Variants in FILIP1L observed in about 807,000 individuals in gnomAD.
FILIP1L encodes the protein filamin A interacting protein 1 like.
In FILIP1L, 55 loss-of-function variants were observed where a neutral mutation model predicts 96.6. That is an observed-to-expected ratio of 0.57 (90% CI 0.46 to 0.71). The LOEUF is 0.71. Among genes scored for constraint, FILIP1L ranks in the 30% least tolerant of loss-of-function variants. The probability of loss-of-function intolerance (pLI) is 0.00; values close to 1 mark genes in which losing one functional copy is unlikely to be tolerated. For missense variants in FILIP1L, 1,304 were observed against 1,321.2 expected (o/e 0.99, Z 0.20); for synonymous variants, 467 against 473.9 (o/e 0.99, Z 0.19).
intron 1 of FILIP1L, among the ~76,000 whole-genome samples, chr3:100,082,030 T>C (rs189561756): frequency 3.3e-4 from 51 of 152,366 alleles, no homozygotes; most frequent in African/African-American, 1.2e-3. Flanking sequence ...CAGTATCTTA[T>C]GATATTCTCT....
At chr3:99,870,243 A>G (rs1036288657) in intron 4 of FILIP1L, among the ~76,000 whole-genome samples, 1 of 152,182 alleles carries the variant, frequency 6.6e-6, no homozygotes, top group Non-Finnish European at 1.5e-5. Flanking sequence ...GGCAGAGCTA[A>G]GAAGAGTAGA....
chr3:99,874,522 T>C (rs1251759626), intron 4 of FILIP1L: 2 of 152,228 alleles, frequency 1.3e-5, no homozygotes, highest in Non-Finnish European at 2.9e-5. Flanking sequence ...AAAATCCTAC[T>C]TCTCAGTACT....
At chr3:99,888,490 A>G (rs910181025) in intron 4 of FILIP1L, among the ~76,000 whole-genome samples, 11 of 152,220 alleles carry the variant, frequency 7.2e-5, no homozygotes, top group African/African-American at 2.7e-4. Context: ...CCAGGCTACA[A>G]CAAACAAAAC....
chr3:99,897,578 A>G (rs1236608548), intron 4 of FILIP1L, among the ~76,000 whole-genome samples: 1 of 152,198 alleles, frequency 6.6e-6, no homozygotes, highest in African/African-American at 2.4e-5. Context: ...TATTATTGCC[A>G]AGACAATGGG....
At chr3:100,025,133 A>G (rs1029827039) in intron 1 of FILIP1L, among the ~76,000 whole-genome samples, 3 of 152,152 alleles carry the variant, frequency 2.0e-5, no homozygotes, top group Non-Finnish European at 2.9e-5. Flanking sequence ...AGATTTCCCA[A>G]TTCTGTCAAT....
At chr3:100,018,318 C>A (rs1710404452) in intron 1 of FILIP1L, among the ~76,000 whole-genome samples, 1 of 152,054 alleles carries the variant, frequency 6.6e-6, no homozygotes, top group South Asian at 2.1e-4. Flanking sequence ...AAGAGCAAAA[C>A]TCCATCTCCA....
chr3:99,919,042 A>T (rs1279318431), intron 4 of FILIP1L, among the ~76,000 whole-genome samples: 1 of 152,196 alleles, frequency 6.6e-6, no homozygotes, highest in Non-Finnish European at 1.5e-5. Context: ...GGCTTTCAAA[A>T]TATTTTTTTT....
At chr3:100,060,100 G>C (rs1004442828) in intron 1 of FILIP1L, among the ~76,000 whole-genome samples, 1 of 152,148 alleles carries the variant, frequency 6.6e-6, no homozygotes, top group African/African-American at 2.4e-5. Context: ...GCTGTGCCGG[G>C]TATGGTAAAG....
chr3:99,833,154 C>A, intron 5 of FILIP1L: 1 of 1,320,376 alleles, frequency 7.6e-7, no homozygotes, highest in Non-Finnish European at 1.1e-6. Flanking sequence ...TAGAAGAAAA[C>A]GATTTTTTAA....
At chr3:99,881,812 C>T (rs1705739209) in intron 4 of FILIP1L, among the ~76,000 whole-genome samples, 1 of 152,158 alleles carries the variant, frequency 6.6e-6, no homozygotes, top group Non-Finnish European at 1.5e-5. Flanking sequence ...GGATTATAGG[C>T]GTGAGCCACC....
chr3:99,936,599 C>A (rs982421658), intron 1 of FILIP1L, among the ~76,000 whole-genome samples: 4 of 145,454 alleles, frequency 2.8e-5, no homozygotes, highest in Admixed American at 6.9e-5. Flanking sequence ...TGGTCTTGAT[C>A]TTGACCTTGT....
chr3:100,113,389 T>G (rs1278763219), intron 1 of FILIP1L, among the ~76,000 whole-genome samples: 1 of 152,222 alleles, frequency 6.6e-6, no homozygotes, highest in Non-Finnish European at 1.5e-5. Flanking sequence ...CCAGTCATCT[T>G]CTGTGGGGTG....
intron 4 of FILIP1L, among the ~76,000 whole-genome samples, chr3:99,921,099 T>G (rs1369356547): frequency 6.6e-6 from 1 of 152,188 alleles, no homozygotes; most frequent in African/African-American, 2.4e-5. Flanking sequence ...GAAGTAAACA[T>G]TGTTCTTTGA....
chr3:99,936,906 G>A (rs184126483), intron 1 of FILIP1L, among the ~76,000 whole-genome samples: 2 of 152,116 alleles, frequency 1.3e-5, no homozygotes, highest in East Asian at 3.9e-4. Flanking sequence ...ATTGTGCTAC[G>A]CAATTTTGTT....
At chr3:99,851,177 G>C in intron 4 of FILIP1L, 107 bp from the exon 5 acceptor site, 7 of 908,200 alleles carry the variant, frequency 7.7e-6, no homozygotes, top group Non-Finnish European at 1.1e-5. Context: ...TATGAGCTGT[G>C]TCAGTTCATA....
intron 1 of FILIP1L, among the ~76,000 whole-genome samples, chr3:99,992,531 AGTT>A (rs1281213713): frequency 6.6e-6 from 1 of 151,174 alleles, no homozygotes; most frequent in Non-Finnish European, 1.5e-5. Flanking sequence ...TTTCTTGTTG[AGTT>A]GTTTGAGTTC....
chr3:100,110,835 G>A (rs1419165386), intron 1 of FILIP1L, among the ~76,000 whole-genome samples: 1 of 152,060 alleles, frequency 6.6e-6, no homozygotes, highest in South Asian at 2.1e-4. Flanking sequence ...GCAGGATCTG[G>A]ACTGGGTAGA....
At chr3:99,982,887 A>C (rs984927490) in intron 1 of FILIP1L, among the ~76,000 whole-genome samples, 7 of 152,210 alleles carry the variant, frequency 4.6e-5, no homozygotes, top group African/African-American at 9.6e-5. Context: ...GTAGGCTTGC[A>C]GCTGAAGACA....
At chr3:100,037,220 A>T (rs568211982) in intron 1 of FILIP1L, among the ~76,000 whole-genome samples, 1 of 152,060 alleles carries the variant, frequency 6.6e-6, no homozygotes, top group Non-Finnish European at 1.5e-5. Context: ...TATTCTTAGG[A>T]AAATACATTG....
Sources: gnomAD v4.1 joint callset for allele counts (sites outside exome capture counted in the v4.1 genomes callset) on GRCh38, gnomAD v4.1.1 for gene constraint, MANE v1.5 for transcripts, NCBI Gene and HGNC (gene_info 2026-07-23, HGNC 2026-07-21) for gene names.